CTNNA3: variants seen among roughly 807,000 people sequenced by gnomAD.
The protein encoded by CTNNA3 is catenin alpha 3.
Under a neutral mutation model 95.7 loss-of-function variants are expected in CTNNA3, and 76 were observed. The ratio of observed to expected loss-of-function variants is 0.79; its 90% CI spans 0.66 to 0.96. The LOEUF is 0.96. Among genes scored for constraint, CTNNA3 ranks in the 40% least tolerant of loss-of-function variants. CTNNA3 has a pLI of 0.00. For missense variants in CTNNA3, 1,191 were observed against 1,089.8 expected (o/e 1.09, Z -1.31); for synonymous variants, 431 against 374.4 (o/e 1.15, Z -1.74).
At chr10:66,732,443 G>A (rs1190406016) in intron 9 of CTNNA3, among the ~76,000 whole-genome samples, 1 of 152,162 alleles carries the variant, frequency 6.6e-6, no homozygotes, top group Non-Finnish European at 1.5e-5. Flanking sequence ...ACATTCTCGA[G>A]ACTGGTTCAT....
chr10:66,513,299 G>A (rs1840726045), intron 11 of CTNNA3, among the ~76,000 whole-genome samples: 1 of 152,244 alleles, frequency 6.6e-6, no homozygotes, highest in Admixed American at 6.5e-5. Context: ...TTAAACTTGA[G>A]TAGGGTGCTT....
chr10:67,761,999 C>A (rs539203176), intron 1 of CTNNA3, among the ~76,000 whole-genome samples: 1 of 151,826 alleles, frequency 6.6e-6, no homozygotes, highest in South Asian at 2.1e-4. Flanking sequence ...ATTATTGTCA[C>A]GAATTAGGAA....
chr10:66,647,699 T>C (rs1564592680), intron 9 of CTNNA3, among the ~76,000 whole-genome samples: 1 of 151,662 alleles, frequency 6.6e-6, no homozygotes, highest in Non-Finnish European at 1.5e-5. Context: ...TTTTGTATTT[T>C]TAGTAGAGAG....
At chr10:66,762,638 T>A (rs72637086) in intron 9 of CTNNA3, among the ~76,000 whole-genome samples, 10,170 of 151,648 alleles carry the variant, frequency 0.067, 506 homozygotes, top group East Asian at 0.22. Flanking sequence ...GACCAAATTC[T>A]TCGGCCACTG....
At chr10:66,853,662 CA>C (rs1843578859) in intron 7 of CTNNA3, among the ~76,000 whole-genome samples, 1 of 151,946 alleles carries the variant, frequency 6.6e-6, no homozygotes, top group Non-Finnish European at 1.5e-5. Context: ...CTAAAGCAAA[CA>C]GAATAAAATC....
chr10:67,567,307 G>C (rs1841841531), intron 3 of CTNNA3, among the ~76,000 whole-genome samples: 1 of 151,288 alleles, frequency 6.6e-6, no homozygotes, highest in African/African-American at 2.4e-5. Context: ...GATAGAACTG[G>C]GTATCATTAT....
At chr10:66,185,177 GT>G (rs2086264388) in intron 13 of CTNNA3, among the ~76,000 whole-genome samples, 1 of 152,038 alleles carries the variant, frequency 6.6e-6, no homozygotes, top group Non-Finnish European at 1.5e-5. Context: ...AAACAATGAG[GT>G]TTTTATTTAC....
intron 1 of CTNNA3, among the ~76,000 whole-genome samples, chr10:67,733,678 TACTC>T (rs1841288326): frequency 6.6e-6 from 1 of 152,160 alleles, no homozygotes; most frequent in Non-Finnish European, 1.5e-5. Context: ...TTCCGACAAA[TACTC>T]ACTCCACTAC....
chr10:67,456,727 G>C (rs1847186456), intron 5 of CTNNA3, among the ~76,000 whole-genome samples: 1 of 152,084 alleles, frequency 6.6e-6, no homozygotes, highest in Non-Finnish European at 1.5e-5. Context: ...GTTTTAAACT[G>C]CTGTCATATC....
rs577480673 is a variant in CTNNA3 at position 66,507,146 on chromosome 10, T to G, written c.1531+13471A>C. Reference sequence around the variant, plus strand: ...AAAACTTTGTAGAAGCCAAAGGTCATGCTCACTATGATGTCATGGACAAAA... The same window carrying G: ...AAAACTTTGTAGAAGCCAAAGGTCAGGCTCACTATGATGTCATGGACAAAA... On this transcript the variant is annotated intron_variant, in intron 11 of 17. Transcript: ENST00000433211. Among the ~76,000 whole-genome samples the G allele has an allele frequency of 3.5e-4, 53 of 152,300 alleles. 1 individual carries two copies. The highest frequency in any genetic ancestry group is 1.1e-3 in the African/African-American group (44 of 41,590).
At chr10:66,980,322 A>C (rs1332486125) in intron 7 of CTNNA3, among the ~76,000 whole-genome samples, 1 of 152,126 alleles carries the variant, frequency 6.6e-6, no homozygotes, top group Non-Finnish European at 1.5e-5. Flanking sequence ...TTCAGCAGCC[A>C]AACACTAGGG....
rs1468118439 is a variant in CTNNA3, at chr10:67,576,859, C to T, written c.292+29998G>A. On this transcript the variant is annotated intron_variant, in intron 3 of 17. Transcript: ENST00000433211. Reference sequence around the variant, plus strand: ...TGAGAATGATAGTTTCCAGCATCATCGATGTCCCTGCAAAGGACATGAACT... The same window carrying T: ...TGAGAATGATAGTTTCCAGCATCATTGATGTCCCTGCAAAGGACATGAACT... Among the ~76,000 whole-genome samples the T allele has an allele frequency of 3.6e-5, 4 of 110,504 alleles. 1 individual carries two copies. Among genetic ancestry groups the T allele is most frequent in the African/African-American group, 1.2e-4 (2 of 17,160 alleles). 72.5% of individuals were successfully genotyped at this position (110,504 alleles called of 152,430 possible). A position where few individuals can be genotyped will look rare whatever the true frequency, so the allele number is the denominator to read the frequency against.
chr10:66,529,462 T>C (rs1471642829), intron 10 of CTNNA3, among the ~76,000 whole-genome samples: 1 of 150,838 alleles, frequency 6.6e-6, no homozygotes, highest in East Asian at 1.9e-4. Flanking sequence ...TTTTTTTTTT[T>C]AATAAAAAAA....
At chr10:66,205,068 C>T (rs2087673031) in intron 13 of CTNNA3, among the ~76,000 whole-genome samples, 1 of 152,084 alleles carries the variant, frequency 6.6e-6, no homozygotes, top group Non-Finnish European at 1.5e-5. Flanking sequence ...GCTGAGAAAG[C>T]CTGCTCTACA....
intron 11 of CTNNA3, among the ~76,000 whole-genome samples, chr10:66,483,639 T>G (rs1839621085): frequency 6.6e-6 from 1 of 152,132 alleles, no homozygotes; most frequent in Non-Finnish European, 1.5e-5. Context: ...GAGATAGAGA[T>G]GTAATGTACA....
chr10:67,503,518 C>A, intron 5 of CTNNA3, among the ~76,000 whole-genome samples: 1 of 152,092 alleles, frequency 6.6e-6, no homozygotes, highest in Non-Finnish European at 1.5e-5. Flanking sequence ...AGCCTTAATG[C>A]CAGATATCTT....
chr10:66,895,368 C>T (rs934326846), intron 7 of CTNNA3, among the ~76,000 whole-genome samples: 1 of 152,106 alleles, frequency 6.6e-6, no homozygotes, highest in African/African-American at 2.4e-5. Context: ...TCAACCAATG[C>T]CTTTAAGAGT....
At chr10:66,767,326 C>T (rs955344526) in intron 8 of CTNNA3, among the ~76,000 whole-genome samples, 1 of 151,854 alleles carries the variant, frequency 6.6e-6, no homozygotes, top group East Asian at 1.9e-4. Context: ...GGCACCTGTA[C>T]TCCCAGCTAC....
rs1483078483 is a variant in CTNNA3, at chr10:67,726,446, A to ATATTATATATAATAT, written c.-2+36987_-2+36988insATATTATATATAATA. Among the ~76,000 whole-genome samples the ATATTATATATAATAT allele has an allele frequency of 3.6e-3, 65 of 18,046 alleles. 1 individual carries two copies. The South Asian group carries it at 0.056, about 16-fold the overall frequency. 11.8% of individuals were successfully genotyped at this position (18,046 alleles called of 152,430 possible). A position where few individuals can be genotyped will look rare whatever the true frequency, so the allele number is the denominator to read the frequency against. On this transcript the variant is annotated intron_variant, in intron 1 of 17. Transcript: ENST00000684154. ...ATATATTATATCATATATAATATAT[A>ATATTATATATAATAT]ATATTATATATGATATATGATATAA...
Sources: gnomAD v4.1 joint callset for allele counts (sites outside exome capture counted in the v4.1 genomes callset) on GRCh38, gnomAD v4.1.1 for gene constraint, MANE v1.5 for transcripts, NCBI Gene and HGNC (gene_info 2026-07-23, HGNC 2026-07-21) for gene names.